YY1AP1: variants seen among roughly 807,000 people sequenced by gnomAD.
YY1AP1 encodes the protein YY1-associated protein 1.
In YY1AP1, 43 loss-of-function variants were observed where a neutral mutation model predicts 39.9. The observed-to-expected ratio is 1.08, with a 90% CI of 0.84 to 1.39. YY1AP1 has a LOEUF of 1.39. YY1AP1 is among the 40% of genes most tolerant of loss of function. The pLI is 0.00. For synonymous variants in YY1AP1, 292 were observed against 331.3 expected (o/e 0.88, Z 1.29); for missense variants, 813 against 900.7 (o/e 0.90, Z 1.25).
chr1:155,661,368 T>A lies in YY1AP1; in HGVS notation c.935A>T (p.Gln312Leu). 1 of 1,613,900 alleles carries A rather than the reference T, an allele frequency of 6.2e-7. No individual in the cohort carries two copies. ...PVLGKCCEEI[Q>L]PHQWKPPIER... ...TATAGGTGGCTTCCACTGATGTGGCTGGATCTCTTCACAGCATTTTCCTAG... is the reference window on the plus strand; with the variant it reads ...TATAGGTGGCTTCCACTGATGTGGCAGGATCTCTTCACAGCATTTTCCTAG... Residue 312 changes from glutamine to leucine, a missense_variant, in exon 10 of 11, where the codon CAG (glutamine) becomes CTG (leucine). Around this residue, in one of 3 missense-constraint regions of YY1AP1, gnomAD observed 586 missense variants for 647.4 expected, o/e 0.91. Transcript: ENST00000355499.
rs1326068561 is a variant in YY1AP1 at position 155,688,083 on chromosome 1, C to T, written c.-33G>A. ...TCGTTCTACTCACCGTGTCGGAGGC[C>T]GAGAGCGATGAGAGTACAGGGAAGT... On this transcript the variant is annotated 5_prime_UTR_variant, in exon 2 of 11. Coordinates refer to ENST00000355499, the MANE Select transcript of YY1AP1 (RefSeq NM_139119.3). 1 of 1,589,394 alleles carries T rather than the reference C, an allele frequency of 6.3e-7. No homozygotes were observed. The highest frequency in any genetic ancestry group is 8.6e-7 in the Non-Finnish European group (1 of 1,164,138).
intron 2 of YY1AP1, 27 bp from the exon 3 acceptor site, chr1:155,680,483 A>G (rs1440144040): frequency 3.1e-6 from 5 of 1,595,916 alleles, no homozygotes; most frequent in Non-Finnish European, 4.3e-6. Flanking sequence ...CGTTGTTGGT[A>G]TAAATTAGAT....
chr1:155,674,970 A>C, intron 6 of YY1AP1, 40 bp downstream of exon 6: 3 of 1,541,840 alleles, frequency 1.9e-6, no homozygotes, highest in Non-Finnish European at 2.7e-6. Context: ...AGCTAATTTT[A>C]TATTCTAGTC....
intron 1 of YY1AP1, 118 bp from the exon 2 acceptor site, chr1:155,688,319 TGGCGGCGGC>T (rs1261070414): frequency 7.1e-6 from 11 of 1,557,488 alleles, no homozygotes; most frequent in African/African-American, 2.7e-5. Context: ...GAACCCAAAA[TGGCGGCGGC>T]AGCGGCGGCA....
intron 5 of YY1AP1, among the ~76,000 whole-genome samples, chr1:155,675,320 TTTATTA>T (rs914756814): frequency 4.0e-5 from 6 of 150,352 alleles, no homozygotes; most frequent in African/African-American, 7.3e-5. Context: ...GCTAATTTAT[TTTATTA>T]TTATTATTAT....
intron 2 of YY1AP1, among the ~76,000 whole-genome samples, chr1:155,684,874 C>T (rs1187321109): frequency 6.6e-6 from 1 of 152,152 alleles, no homozygotes; most frequent in Non-Finnish European, 1.5e-5. Context: ...GCGTGAGCCA[C>T]CCCACCTGAC....
chr1:155,678,011 C>A (rs1285267356), intron 4 of YY1AP1, among the ~76,000 whole-genome samples: 10 of 152,148 alleles, frequency 6.6e-5, no homozygotes, highest in South Asian at 2.1e-4. Flanking sequence ...TATTTGCAAT[C>A]GAAAGAGAAG....
intron 7 of YY1AP1, 165 bp from the exon 8 acceptor site, chr1:155,670,629 A>C: frequency 1.5e-6 from 1 of 670,474 alleles, no homozygotes; most frequent in Non-Finnish European, 2.5e-6. Flanking sequence ...TTCCTCAACT[A>C]ACATTAGGTC....
intron 4 of YY1AP1, among the ~76,000 whole-genome samples, chr1:155,677,943 T>G (rs1650957325): frequency 6.6e-6 from 1 of 152,206 alleles, no homozygotes; most frequent in Non-Finnish European, 1.5e-5. Flanking sequence ...GTGCTTACTC[T>G]CTATGGACTT....
At chr1:155,670,107 C>A (rs1558305749) in intron 8 of YY1AP1, among the ~76,000 whole-genome samples, 1 of 152,126 alleles carries the variant, frequency 6.6e-6, no homozygotes, top group African/African-American at 2.4e-5. Flanking sequence ...GCCGCCATGT[C>A]CAGTCTAAAA....
Position 155,660,120 on chromosome 1 carries a change from G to T in YY1AP1, c.1790C>A (p.Pro597His), listed in dbSNP as rs1335070999. The stretch of plus-strand genomic sequence containing the variant: ...GTTCAATGGACAGGGGAAGGAAGTA[G>T]GGTTAACCAAGAGGGTGGCGATGGG... ...TIPIATLLVN[P>H]TSFPCPLNQP... Residue 597 changes from proline (P) to histidine (H), a missense_variant, in exon 11 of 11, where the codon CCT becomes CAT. By Grantham distance (77) the Pro-to-His change is moderately conservative (BLOSUM62 -2). This residue lies in a region of YY1AP1 where 586 missense variants were observed against 647.4 expected (regional missense o/e 0.91). Transcript: ENST00000355499. The T allele has an allele frequency of 6.2e-7, 1 of 1,614,216 alleles. No homozygotes were observed. The highest frequency in any genetic ancestry group is 8.5e-7 in the Non-Finnish European group (1 of 1,180,038).
At chr1:155,667,513 A>C (rs1649190903) in intron 9 of YY1AP1, among the ~76,000 whole-genome samples, 1 of 151,622 alleles carries the variant, frequency 6.6e-6, no homozygotes. Context: ...AAAAAAAAAA[A>C]CATAAATAAA....
chr1:155,660,951 A>G lies in YY1AP1; in HGVS notation c.997-38T>C, dbSNP rs1157772497. ...AGAACACTCTGATCCAGCACATGTCAGAATTTGGGAAAAAGAATAGGACTT... is the reference window on the plus strand; with the variant it reads ...AGAACACTCTGATCCAGCACATGTCGGAATTTGGGAAAAAGAATAGGACTT... On this transcript the variant is annotated intron_variant, in intron 10 of 10. Transcript: ENST00000355499. 1.9e-6 allele frequency: 3 copies of G among 1,613,556 alleles called. No individual in the cohort carries two copies. The South Asian group carries it at 3.3e-5, about 18-fold the overall frequency.
At chr1:155,662,430 T>C (rs1464930493) in intron 9 of YY1AP1, among the ~76,000 whole-genome samples, 1 of 150,368 alleles carries the variant, frequency 6.7e-6, no homozygotes, top group African/African-American at 2.5e-5. Context: ...GTGGGGGTGG[T>C]AGGGTGGAGA....
chr1:155,683,483 C>T (rs1651801696), intron 2 of YY1AP1, among the ~76,000 whole-genome samples: 2 of 152,034 alleles, frequency 1.3e-5, no homozygotes, highest in South Asian at 4.1e-4. Flanking sequence ...TGGTGAAACC[C>T]TGTCTCTACT....
intron 3 of YY1AP1, chr1:155,679,804 T>C: frequency 4.0e-6 from 5 of 1,249,542 alleles, no homozygotes; most frequent in South Asian, 3.4e-5. Flanking sequence ...GACAAATTTA[T>C]GGAAAAGGTA....
At chr1:155,677,907 C>G (rs1428362870) in intron 4 of YY1AP1, among the ~76,000 whole-genome samples, 1 of 152,200 alleles carries the variant, frequency 6.6e-6, no homozygotes, top group Non-Finnish European at 1.5e-5. Context: ...TTTTTCTCCT[C>G]TCTCTTCCTT....
At chr1:155,671,273 A>G (rs1322291977) in intron 7 of YY1AP1, among the ~76,000 whole-genome samples, 2 of 151,862 alleles carry the variant, frequency 1.3e-5, no homozygotes, top group Admixed American at 6.6e-5. Context: ...TCTACCAAAA[A>G]TGTAAAAATT....
chr1:155,679,119 G>GC, intron 4 of YY1AP1: 3 of 1,324,180 alleles, frequency 2.3e-6, no homozygotes, highest in Non-Finnish European at 2.9e-6. Flanking sequence ...TGTGTGGCTG[G>GC]CCACATTGAG....
Sources: allele counts gnomAD v4.1 joint callset (sites outside exome capture counted in the v4.1 genomes callset), GRCh38; gene constraint gnomAD v4.1.1; regional missense constraint gnomAD v4.1.1; transcripts MANE v1.5; gene names NCBI Gene and HGNC (gene_info 2026-07-23, HGNC 2026-07-21).